The following WDR64 variants were observed in gnomAD, a reference collection of about 807,000 sequenced individuals.
WDR64 encodes WD repeat domain 64.
Under a neutral mutation model 139.3 loss-of-function variants are expected in WDR64, and 112 were observed. The observed-to-expected ratio is 0.80, with a 90% CI of 0.69 to 0.94. WDR64 has a LOEUF of 0.94. Ranked by LOEUF, WDR64 falls within the 40% of genes least tolerant of loss-of-function variation. The probability of loss-of-function intolerance (pLI) is 0.00; values close to 1 mark genes in which losing one functional copy is unlikely to be tolerated. For synonymous variants in WDR64, 444 were observed against 437.7 expected (o/e 1.01, Z -0.18); for missense variants, 1,206 against 1,293.1 (o/e 0.93, Z 1.03).
rs760281517 is a variant in WDR64, at chr1:241,677,194, T to C, written c.484-993T>C. The C allele has an allele frequency of 1.2e-4, 48 of 396,456 alleles. 1 individual carries two copies. Among genetic ancestry groups the C allele is most frequent in the Non-Finnish European group, 2.0e-4 (44 of 225,342 alleles). The allele number at this position is 396,456 out of a possible 1,614,324, so 24.6% of individuals were successfully genotyped here. ...AAAATTCAAAATATATCTGTAAGGA[T>C]TATGAAACTTTTAAAGAAGCTGAGA... On this transcript the variant is annotated intron_variant, in intron 4 of 27. Coordinates refer to ENST00000437684, the MANE Select transcript of WDR64 (RefSeq NM_001367482.1).
At chr1:241,655,158 G>A (rs569214853) in intron 1 of WDR64, among the ~76,000 whole-genome samples, 11 of 152,172 alleles carry the variant, frequency 7.2e-5, no homozygotes, top group Non-Finnish European at 1.3e-4. Flanking sequence ...GCCAAGGTGG[G>A]CGGATCACGA....
intron 2 of WDR64, among the ~76,000 whole-genome samples, chr1:241,665,048 A>G (rs1317559283): frequency 6.6e-6 from 1 of 151,444 alleles, no homozygotes; most frequent in African/African-American, 2.5e-5. Flanking sequence ...AAGAAGAAGG[A>G]GAAGGAGAAG....
chr1:241,702,770 T>C (rs1036361229), intron 8 of WDR64, among the ~76,000 whole-genome samples: 2 of 152,224 alleles, frequency 1.3e-5, no homozygotes, highest in Non-Finnish European at 2.9e-5. Context: ...ATAAAATTGA[T>C]ATGAAATTTA....
At chr1:241,773,593 G>C (rs566484133) in intron 20 of WDR64, among the ~76,000 whole-genome samples, 46 of 152,212 alleles carry the variant, frequency 3.0e-4, no homozygotes, top group Middle Eastern at 6.8e-3. Flanking sequence ...CTCGGCCTTC[G>C]AGTAGCTGAG....
At chr1:241,746,081 C>G (rs1276007513) in intron 13 of WDR64, among the ~76,000 whole-genome samples, 1 of 152,018 alleles carries the variant, frequency 6.6e-6, no homozygotes, top group African/African-American at 2.4e-5. Flanking sequence ...ATTAAATATC[C>G]CCAGCTCCTA....
At chr1:241,796,418 A>ATTT (rs771508646) in intron 27 of WDR64, 48 bp downstream of exon 27, 14 of 1,253,818 alleles carry the variant, frequency 1.1e-5, no homozygotes, top group Non-Finnish European at 8.0e-6. Flanking sequence ...AGTGTATCCT[A>ATTT]TTTCTGTTTG....
At chr1:241,699,743 A>G (rs906739379) in intron 8 of WDR64, among the ~76,000 whole-genome samples, 1 of 152,146 alleles carries the variant, frequency 6.6e-6, no homozygotes, top group Non-Finnish European at 1.5e-5. Context: ...AGAGAAAGAG[A>G]AGATGGTGAG....
At chr1:241,701,106 T>G (rs1295978041) in intron 8 of WDR64, among the ~76,000 whole-genome samples, 1 of 152,216 alleles carries the variant, frequency 6.6e-6, no homozygotes, top group African/African-American at 2.4e-5. Context: ...GGACATCGTC[T>G]TCTTTTTGAC....
chr1:241,700,479 G>C (rs1351384039), intron 8 of WDR64, among the ~76,000 whole-genome samples: 1 of 152,146 alleles, frequency 6.6e-6, no homozygotes, highest in Non-Finnish European at 1.5e-5. Context: ...ATGTGGTGAA[G>C]ATCAAATCAT....
chr1:241,692,029 A>T (rs1205598564), intron 8 of WDR64, among the ~76,000 whole-genome samples: 2 of 137,816 alleles, frequency 1.5e-5, no homozygotes, highest in Non-Finnish European at 3.1e-5. Context: ...ATAAAAAAAT[A>T]AAAAAAAAAA....
At chr1:241,735,533 C>CTTTTTTTTTTTTTTTTTTTTTTTT (rs58339742) in intron 10 of WDR64, among the ~76,000 whole-genome samples, 1 of 103,514 alleles carries the variant, frequency 9.7e-6, no homozygotes, top group African/African-American at 3.8e-5. Context: ...CTCTCTCTCT[C>CTTTTTTTTTTTTTTTTTTTTTTTT]TTTTTTTTTT....
At chr1:241,753,504 G>A (rs1670053705) in intron 14 of WDR64, among the ~76,000 whole-genome samples, 1 of 152,132 alleles carries the variant, frequency 6.6e-6, no homozygotes, top group African/African-American at 2.4e-5. Context: ...AGGAGTTCAA[G>A]ACCATCCTGG....
intron 6 of WDR64, among the ~76,000 whole-genome samples, chr1:241,682,649 C>T (rs1666853211): frequency 1.3e-5 from 2 of 152,090 alleles, no homozygotes; most frequent in Non-Finnish European, 2.9e-5. Context: ...GATTTTTTTT[C>T]TAGTTCAGTG....
Position 241,796,382 on chromosome 1 carries a change from C to T in WDR64, c.3192+12C>T, listed in dbSNP as rs374287364. 1.1e-5 allele frequency: 17 copies of T among 1,549,406 alleles called. No homozygotes were observed. The African/African-American group carries it at 2.2e-4, about 20-fold the overall frequency. ...TTCAACGTGAAAAAGTAAGTTAGTA[C>T]TAATTCCACCGTTAACTCCAATTTC... On this transcript the variant is annotated intron_variant, in intron 27 of 27. Transcript: ENST00000437684.
intron 27 of WDR64, among the ~76,000 whole-genome samples, chr1:241,797,215 CT>C (rs1174238511): frequency 6.6e-6 from 1 of 152,130 alleles, no homozygotes; most frequent in African/African-American, 2.4e-5. Flanking sequence ...AAAATGGAGT[CT>C]AAAGTAAGGT....
chr1:241,799,564 C>T (rs1659466091), intron 27 of WDR64, among the ~76,000 whole-genome samples: 1 of 152,096 alleles, frequency 6.6e-6, no homozygotes, highest in Non-Finnish European at 1.5e-5. Flanking sequence ...TGCAACAACA[C>T]TTTGAGATAT....
In WDR64 at chr1:241,652,354, A is replaced by C. The variant is rs1665393239; in HGVS notation, c.-131A>C. 2 of 906,754 alleles carry C rather than the reference A, an allele frequency of 2.2e-6. No homozygotes were observed. The highest frequency in any genetic ancestry group is 3.3e-6 in the Non-Finnish European group (2 of 614,646). 56.2% of individuals were successfully genotyped at this position (906,754 alleles called of 1,614,324 possible). ...ACTCCTACCCGCACTATGGGATTTT[A>C]AGATCAAAGGAATTAGACCTAGGGC... On this transcript the variant is annotated 5_prime_UTR_variant, in exon 1 of 28. The change abolishes the stop of an existing upstream ORF in the 5' untranslated region. Coordinates refer to ENST00000437684, the MANE Select transcript of WDR64 (RefSeq NM_001367482.1).
rs1484540797 is a variant in WDR64 at position 241,703,175 on chromosome 1, G to A, written c.975-8627G>A. On this transcript the variant is annotated intron_variant, in intron 8 of 27. Coordinates refer to ENST00000437684, the MANE Select transcript of WDR64 (RefSeq NM_001367482.1). This position sits in a 1 kb window ranked among gnomAD's most constrained non-coding sequence, Gnocchi z 5.9. ...CCACCAACTACCTCACCGTCACCGG[G>A]AGAAAATATCGAGGGACTCTGCTGA... is the stretch of plus-strand genomic sequence containing the variant. Among the ~76,000 whole-genome samples, 1 of 152,168 alleles carries A rather than the reference G, an allele frequency of 6.6e-6. No homozygotes were observed. Among genetic ancestry groups the A allele is most frequent in the East Asian group, 1.9e-4 (1 of 5,196 alleles).
At chr1:241,729,237 C>G (rs1668979832) in intron 10 of WDR64, among the ~76,000 whole-genome samples, 1 of 152,098 alleles carries the variant, frequency 6.6e-6, no homozygotes, top group African/African-American at 2.4e-5. Flanking sequence ...AGAGTCATGG[C>G]CTTAGTTCAG....
Sources: allele counts gnomAD v4.1 joint callset (sites outside exome capture counted in the v4.1 genomes callset), GRCh38; gene constraint gnomAD v4.1.1; non-coding constraint Gnocchi (gnomAD v3.1); transcripts MANE v1.5; gene names NCBI Gene and HGNC (gene_info 2026-07-23, HGNC 2026-07-21).